The following PTCSC3 variants were observed in gnomAD, a reference collection of about 807,000 sequenced individuals.
PTCSC3 encodes papillary thyroid carcinoma susceptibility candidate 3 (non-protein coding).
At chr14:36,158,078 G>A (rs1289919680) in intron 2 of PTCSC3, among the ~76,000 whole-genome samples, 2 of 152,162 alleles carry the variant, frequency 1.3e-5, no homozygotes, top group Non-Finnish European at 2.9e-5. Context: ...GTATAGAAAT[G>A]CTTGTAATTT....
chr14:36,173,309 A>G (rs1882221494), intron 1 of PTCSC3, among the ~76,000 whole-genome samples: 1 of 152,194 alleles, frequency 6.6e-6, no homozygotes, highest in Non-Finnish European at 1.5e-5. Context: ...TACACATATT[A>G]GATGAGTCAG....
intron 1 of PTCSC3, among the ~76,000 whole-genome samples, chr14:36,174,087 G>C (rs1882238814): frequency 1.3e-5 from 2 of 151,862 alleles, no homozygotes; most frequent in African/African-American, 4.8e-5. Context: ...TATGTGTCCC[G>C]TGTGGGTTCG....
intron 3 of PTCSC3, among the ~76,000 whole-genome samples, chr14:36,137,226 C>T (rs1881308379): frequency 6.6e-6 from 1 of 151,964 alleles, no homozygotes; most frequent in African/African-American, 2.4e-5. Flanking sequence ...AGCACAAAGG[C>T]CCTGAAATGG....
In PTCSC3 at chr14:36,162,235, G is replaced by A. The variant is rs145315760; in HGVS notation, n.231+389C>T. On this transcript the variant is annotated intron_variant and non_coding_transcript_variant, in intron 2 of 3. Transcript: ENST00000556013. ...GAGTGAACAGTTCTGTCTCACTGGC[G>A]TTCCAGGAGCTGCTGGGGTATGGAA... 3.1e-3 allele frequency among the ~76,000 whole-genome samples: 429 copies of A among 137,184 alleles called. 1 individual carries two copies. Among genetic ancestry groups the A allele is most frequent in the African/African-American group, 0.011 (373 of 34,722 alleles). 90.0% of individuals were successfully genotyped at this position (137,184 alleles called of 152,430 possible).
intron 3 of PTCSC3, among the ~76,000 whole-genome samples, chr14:36,150,903 A>T (rs1472113523): frequency 6.6e-6 from 1 of 151,726 alleles, no homozygotes; most frequent in Admixed American, 6.6e-5. Context: ...ACAAACAATT[A>T]TATATTACAT....
chr14:36,174,821 T>C (rs909332399), intron 1 of PTCSC3, among the ~76,000 whole-genome samples: 2 of 152,210 alleles, frequency 1.3e-5, no homozygotes, highest in African/African-American at 4.8e-5. Flanking sequence ...AATCCTAATA[T>C]GTGCACTTTG....
At chr14:36,151,426 T>C (rs1881721336) in intron 3 of PTCSC3, among the ~76,000 whole-genome samples, 1 of 152,220 alleles carries the variant, frequency 6.6e-6, no homozygotes, top group South Asian at 2.1e-4. Flanking sequence ...TGTTTCTTAT[T>C]AATTGTGGAA....
chr14:36,150,218 A>G (rs968365062), intron 3 of PTCSC3, among the ~76,000 whole-genome samples: 5 of 152,126 alleles, frequency 3.3e-5, no homozygotes, highest in Non-Finnish European at 5.9e-5. Context: ...GCTACCCTCC[A>G]AGATGATAGT....
chr14:36,173,655 C>T (rs757939712), intron 1 of PTCSC3, among the ~76,000 whole-genome samples: 54 of 152,030 alleles, frequency 3.6e-4, no homozygotes, highest in Non-Finnish European at 5.7e-4. Flanking sequence ...TTGTCTAAAA[C>T]TGTTCATGTT....
intron 3 of PTCSC3, among the ~76,000 whole-genome samples, chr14:36,153,438 T>C (rs924462838): frequency 2.0e-5 from 3 of 152,098 alleles, no homozygotes; most frequent in Non-Finnish European, 4.4e-5. Flanking sequence ...AATTTAGAAA[T>C]CAAAACAGTA....
chr14:36,171,442 G>A (rs1165926720), intron 1 of PTCSC3, among the ~76,000 whole-genome samples: 1 of 152,126 alleles, frequency 6.6e-6, no homozygotes, highest in African/African-American at 2.4e-5. Flanking sequence ...AAATCTGAAT[G>A]TCATTATTCT....
chr14:36,148,615 A>C (rs1881647841), intron 3 of PTCSC3, among the ~76,000 whole-genome samples: 1 of 152,078 alleles, frequency 6.6e-6, no homozygotes. Flanking sequence ...TGCAGAAATC[A>C]CCTGTCTTCT....
chr14:36,174,920 C>T lies in PTCSC3; in HGVS notation n.171+1378G>A, dbSNP rs1882256174. 2.0e-5 allele frequency among the ~76,000 whole-genome samples: 3 copies of T among 152,110 alleles called. No homozygotes were observed. The South Asian group carries it at 6.2e-4, about 32-fold the overall frequency. The stretch of plus-strand genomic sequence containing the variant: ...AGGGCCAGAACTCTGACATCTCTGC[C>T]ACTGCTTTTCCCCAAGCACTGCTCA... On this transcript the variant is annotated intron_variant and non_coding_transcript_variant, in intron 1 of 3. Coordinates refer to ENST00000556013, the Ensembl canonical transcript of PTCSC3.
At chr14:36,152,237 GA>G (rs879547510) in intron 3 of PTCSC3, among the ~76,000 whole-genome samples, 6 of 151,170 alleles carry the variant, frequency 4.0e-5, no homozygotes, top group South Asian at 2.1e-4. Flanking sequence ...AAATGCTAAA[GA>G]AAAAAATGAA....
chr14:36,163,390 TG>T (rs1250885773), intron 1 of PTCSC3, among the ~76,000 whole-genome samples: 1 of 141,320 alleles, frequency 7.1e-6, no homozygotes, highest in Non-Finnish European at 1.5e-5. Flanking sequence ...GCCTTAACAA[TG>T]GAAATTGGAA....
chr14:36,162,415 G>C (rs1881984066), intron 2 of PTCSC3, among the ~76,000 whole-genome samples: 1 of 152,106 alleles, frequency 6.6e-6, no homozygotes, highest in Admixed American at 6.5e-5. Flanking sequence ...GAAAAGCATA[G>C]TATCTGGGTC....
chr14:36,171,814 A>G (rs142097892), intron 1 of PTCSC3, among the ~76,000 whole-genome samples: 2,381 of 152,244 alleles, frequency 0.016, 34 homozygotes, highest in South Asian at 0.043. Context: ...TTAGAGATCT[A>G]CTGACCTTCT....
chr14:36,146,668 A>G (rs1204573069), intron 3 of PTCSC3, among the ~76,000 whole-genome samples: 1 of 152,190 alleles, frequency 6.6e-6, no homozygotes, highest in Non-Finnish European at 1.5e-5. Context: ...TTACATTTAA[A>G]GTTAATATTG....
intron 3 of PTCSC3, among the ~76,000 whole-genome samples, chr14:36,137,389 C>T (rs996542069): frequency 2.0e-5 from 3 of 152,148 alleles, no homozygotes; most frequent in Non-Finnish European, 4.4e-5. Context: ...TTAGATTATA[C>T]TCTGAATGAG....
Sources: allele counts gnomAD v4.1 joint callset (sites outside exome capture counted in the v4.1 genomes callset), GRCh38; gene constraint gnomAD v4.1.1; transcripts MANE v1.5; gene names NCBI Gene and HGNC (gene_info 2026-07-23, HGNC 2026-07-21).